Variants in SGMS1 observed in about 807,000 individuals in gnomAD.
The protein encoded by SGMS1 is phosphatidylcholine:ceramide cholinephosphotransferase 1.
SGMS1 carries 13 observed loss-of-function variants against 46.2 expected under a neutral mutation model. The observed-to-expected ratio is 0.28, with a 90% CI of 0.18 to 0.45. SGMS1 has a LOEUF of 0.45. Ranked by LOEUF, SGMS1 falls within the 20% of genes least tolerant of loss-of-function variation. The pLI is 1.00. For synonymous variants in SGMS1, 203 were observed against 187.8 expected (o/e 1.08, Z -0.66); for missense variants, 324 against 519.9 (o/e 0.62, Z 3.66).
chr10:50,353,540 G>A (rs1258399092), intron 6 of SGMS1, among the ~76,000 whole-genome samples: 16 of 152,404 alleles, frequency 1.0e-4, no homozygotes, highest in African/African-American at 3.1e-4. Flanking sequence ...AGACAGGGAT[G>A]TCCTCTCTCA....
At chr10:50,312,337 TAAAAA>T (rs10591253) in intron 8 of SGMS1, among the ~76,000 whole-genome samples, 1 of 135,112 alleles carries the variant, frequency 7.4e-6, no homozygotes, top group Admixed American at 7.4e-5. Context: ...TGTGAGAAAT[TAAAAA>T]AAAAAAAAAA....
At chr10:50,473,366 T>G (rs1837395132) in intron 3 of SGMS1, among the ~76,000 whole-genome samples, 1 of 152,232 alleles carries the variant, frequency 6.6e-6, no homozygotes, top group African/African-American at 2.4e-5. Flanking sequence ...ATATGGAGAA[T>G]AAATATCTAT....
intron 6 of SGMS1, among the ~76,000 whole-genome samples, chr10:50,398,848 G>A (rs1848888081): frequency 6.6e-6 from 1 of 151,994 alleles, no homozygotes; most frequent in South Asian, 2.1e-4. Context: ...ATAATAGACA[G>A]TTCTAGCTAG....
At chr10:50,406,026 T>TAC (rs1379441313) in intron 6 of SGMS1, among the ~76,000 whole-genome samples, 1 of 151,994 alleles carries the variant, frequency 6.6e-6, no homozygotes, top group African/African-American at 2.4e-5. Context: ...AATATATATA[T>TAC]ACACACACAC....
chr10:50,586,421 A>G (rs1838485109), intron 2 of SGMS1, among the ~76,000 whole-genome samples: 1 of 152,240 alleles, frequency 6.6e-6, no homozygotes, highest in South Asian at 2.1e-4. Context: ...GATGTGGCCC[A>G]CTGCCATACC....
At chr10:50,529,715 T>C (rs1329853706) in intron 2 of SGMS1, among the ~76,000 whole-genome samples, 1 of 152,170 alleles carries the variant, frequency 6.6e-6, no homozygotes, top group African/African-American at 2.4e-5. Flanking sequence ...ATGAATCATA[T>C]ATGCAAAAAT....
At position 50,604,621 on chromosome 10, in the gene SGMS1, G is replaced by A. The variant is rs528843254; in HGVS notation, c.-683-14374C>T. ...TCAAACAGTTTCAAGGTTATTCTTT[G>A]GAATGGAGTATTTGACTGATTGCCA... On this transcript the variant is annotated intron_variant, in intron 1 of 10. Transcript: ENST00000361781. Among the ~76,000 whole-genome samples the A allele has an allele frequency of 2.6e-5, 4 of 152,222 alleles. No individual in the cohort carries two copies. In the East Asian group the frequency reaches 5.8e-4, roughly 22 times the overall value.
At chr10:50,309,515 A>C (rs539060342) in intron 9 of SGMS1, among the ~76,000 whole-genome samples, 10 of 152,300 alleles carry the variant, frequency 6.6e-5, no homozygotes, top group African/African-American at 2.4e-4. Flanking sequence ...ACCCCGTTAA[A>C]GAATTTCAGG....
chr10:50,429,387 T>A (rs1009189102), intron 6 of SGMS1, among the ~76,000 whole-genome samples: 1 of 152,184 alleles, frequency 6.6e-6, no homozygotes. Flanking sequence ...GCCTATACCA[T>A]ATAGCCTAGG....
chr10:50,381,231 T>C (rs1848600519), intron 6 of SGMS1, among the ~76,000 whole-genome samples: 1 of 148,388 alleles, frequency 6.7e-6, no homozygotes, highest in South Asian at 2.1e-4. Flanking sequence ...CTGAGTCCCA[T>C]GGTATATGAA....
intron 8 of SGMS1, among the ~76,000 whole-genome samples, chr10:50,319,821 T>G (rs2133295679): frequency 6.6e-6 from 1 of 152,342 alleles, no homozygotes; most frequent in East Asian, 1.9e-4. Context: ...ATTTCTCCAC[T>G]AAATACATAC....
chr10:50,610,335 G>C (rs1289866257), intron 1 of SGMS1, among the ~76,000 whole-genome samples: 1 of 152,116 alleles, frequency 6.6e-6, no homozygotes, highest in Non-Finnish European at 1.5e-5. Flanking sequence ...CATAAAAAAT[G>C]GGCCTTTTAA....
At chr10:50,572,404 A>G (rs1838344142) in intron 2 of SGMS1, among the ~76,000 whole-genome samples, 1 of 152,166 alleles carries the variant, frequency 6.6e-6, no homozygotes. Context: ...CACCTAAAAA[A>G]TTCACAATTC....
chr10:50,618,751 C>T (rs990280687), intron 1 of SGMS1, among the ~76,000 whole-genome samples: 3 of 152,150 alleles, frequency 2.0e-5, no homozygotes, highest in Non-Finnish European at 4.4e-5. Flanking sequence ...TATGTTTGTA[C>T]ACCATTACTC....
At chr10:50,419,571 G>C (rs1454525266) in intron 6 of SGMS1, among the ~76,000 whole-genome samples, 1 of 152,124 alleles carries the variant, frequency 6.6e-6, no homozygotes, top group Non-Finnish European at 1.5e-5. Context: ...GTGATTTGTG[G>C]AAATATTCCA....
intron 2 of SGMS1, among the ~76,000 whole-genome samples, chr10:50,544,160 G>A (rs934867294): frequency 5.9e-5 from 9 of 152,202 alleles, no homozygotes; most frequent in African/African-American, 2.2e-4. Flanking sequence ...TCAGGTGACA[G>A]CTACTGAATG....
chr10:50,405,354 T>C (rs1402568660), intron 6 of SGMS1, among the ~76,000 whole-genome samples: 1 of 151,836 alleles, frequency 6.6e-6, no homozygotes, highest in Non-Finnish European at 1.5e-5. Context: ...TACAGCAAAA[T>C]AAGAGACAAA....
At chr10:50,509,746 T>C (rs1837738061) in intron 3 of SGMS1, among the ~76,000 whole-genome samples, 1 of 152,234 alleles carries the variant, frequency 6.6e-6, no homozygotes, top group Admixed American at 6.5e-5. Context: ...CTGAAAGGGC[T>C]GCACCTTTGT....
intron 3 of SGMS1, among the ~76,000 whole-genome samples, chr10:50,512,672 C>T (rs1307270601): frequency 1.3e-5 from 2 of 152,208 alleles, no homozygotes; most frequent in Non-Finnish European, 2.9e-5. Flanking sequence ...CTTGGCCCTG[C>T]ATTAATTGAG....
Sources: gnomAD v4.1 joint callset for allele counts (sites outside exome capture counted in the v4.1 genomes callset) on GRCh38, gnomAD v4.1.1 for gene constraint, MANE v1.5 for transcripts, NCBI Gene and HGNC (gene_info 2026-07-23, HGNC 2026-07-21) for gene names.